NUMB: variants seen among roughly 807,000 people sequenced by gnomAD.
NUMB encodes NUMB endocytic adaptor protein, also known as protein numb homolog.
NUMB carries 29 observed loss-of-function variants against 59.7 expected under a neutral mutation model. The ratio of observed to expected loss-of-function variants is 0.49; its 90% CI spans 0.36 to 0.66. NUMB has a LOEUF of 0.66. Ranked by LOEUF, NUMB falls within the 30% of genes least tolerant of loss-of-function variation. NUMB has a pLI of 0.00. For missense variants in NUMB, 723 were observed against 822.0 expected (o/e 0.88, Z 1.47); for synonymous variants, 288 against 288.2 (o/e 1.00, Z 0.01).
chr14:73,287,412 A>G (rs1334359861), intron 8 of NUMB, 98 bp from the exon 9 acceptor site: 3 of 1,088,032 alleles, frequency 2.8e-6, no homozygotes, highest in Non-Finnish European at 3.9e-6. Context: ...ACAGAGTCTT[A>G]CTGTTACCCA....
At chr14:73,396,186 G>A (rs1259755321) in intron 2 of NUMB, among the ~76,000 whole-genome samples, 4 of 152,128 alleles carry the variant, frequency 2.6e-5, no homozygotes, top group Admixed American at 2.6e-4. Context: ...GGGCTCAAGT[G>A]ATCCTCCTGC....
intron 3 of NUMB, among the ~76,000 whole-genome samples, chr14:73,360,489 C>A (rs887682696): frequency 6.7e-6 from 1 of 150,338 alleles, no homozygotes; most frequent in Non-Finnish European, 1.5e-5. Flanking sequence ...ACCCGGGAGG[C>A]AGAGGTTGTA....
chr14:73,309,429 G>A (rs1374685716), intron 6 of NUMB, among the ~76,000 whole-genome samples: 1 of 152,100 alleles, frequency 6.6e-6, no homozygotes, highest in Non-Finnish European at 1.5e-5. Context: ...TAGGGACATG[G>A]ATGAAGCTGG....
At chr14:73,319,093 G>A (rs997167529) in intron 5 of NUMB, among the ~76,000 whole-genome samples, 51 of 152,080 alleles carry the variant, frequency 3.4e-4, no homozygotes, top group Admixed American at 3.3e-3. Flanking sequence ...GGCCAACATG[G>A]TGAAACCCCG....
chr14:73,422,487 T>C (rs1453290971), intron 1 of NUMB, among the ~76,000 whole-genome samples: 1 of 152,226 alleles, frequency 6.6e-6, no homozygotes, highest in Non-Finnish European at 1.5e-5. Context: ...GAAGGTCTAT[T>C]TGTTTGTGTT....
intron 1 of NUMB, among the ~76,000 whole-genome samples, chr14:73,437,049 T>C (rs1898087333): frequency 1.6e-5 from 2 of 124,242 alleles, no homozygotes; most frequent in South Asian, 4.8e-4. Context: ...CTCTTTTTTT[T>C]TTTTTTTTTT....
chr14:73,324,505 C>T (rs1891564429), intron 4 of NUMB, among the ~76,000 whole-genome samples: 1 of 152,096 alleles, frequency 6.6e-6, no homozygotes, highest in South Asian at 2.1e-4. Flanking sequence ...TTCTCTTCTC[C>T]CCAGCATCAA....
At chr14:73,325,039 T>G (rs538563762) in intron 4 of NUMB, among the ~76,000 whole-genome samples, 18 of 151,962 alleles carry the variant, frequency 1.2e-4, no homozygotes, top group Admixed American at 5.2e-4. Flanking sequence ...CACCAGACAC[T>G]ATAACCCACA....
chr14:73,285,694 G>A (rs995680894), intron 9 of NUMB: 10 of 152,128 alleles, frequency 6.6e-5, no homozygotes, highest in Admixed American at 5.2e-4. Flanking sequence ...GGGAGGCCAA[G>A]GCAGGCAGAT....
chr14:73,427,170 C>T (rs112159876), intron 1 of NUMB, among the ~76,000 whole-genome samples: 254 of 152,256 alleles, frequency 1.7e-3, no homozygotes, highest in African/African-American at 5.9e-3. Context: ...TTGCATGACC[C>T]AGACACAGCT....
rs796379282 is a variant in NUMB at position 73,389,298 on chromosome 14, AAC to A, written c.-101+20637_-101+20638del. The stretch of plus-strand genomic sequence containing the variant: ...AAAAAAAAAAAAAAAAAAAAACAAA[AAC>A]AAAAACACTGGTCTCTGTTTTATAC... On this transcript the variant is annotated intron_variant, in intron 2 of 12. Coordinates refer to ENST00000555238, the MANE Select transcript of NUMB (RefSeq NM_001005743.2). Among the ~76,000 whole-genome samples, 124 of 138,328 alleles carry A rather than the reference AAC, an allele frequency of 9.0e-4. 2 individuals carry two copies. The highest frequency in any genetic ancestry group is 3.2e-3 in the African/African-American group (119 of 37,078). The allele number at this position is 138,328 out of a possible 152,430, so 90.7% of individuals were successfully genotyped here.
At chr14:73,320,394 CTTTT>C (rs1285578383) in intron 5 of NUMB, among the ~76,000 whole-genome samples, 2 of 152,190 alleles carry the variant, frequency 1.3e-5, no homozygotes, top group African/African-American at 4.8e-5. Flanking sequence ...CTAAAACTTT[CTTTT>C]TTATTATTTA....
At position 73,296,908 on chromosome 14, in the gene NUMB, C is replaced by G. The variant is rs202161773; in HGVS notation, c.309+303G>C. Among the ~76,000 whole-genome samples, 5 of 152,270 alleles carry G rather than the reference C, an allele frequency of 3.3e-5. No homozygotes were observed. The East Asian group carries it at 9.7e-4, about 29-fold the overall frequency. On this transcript the variant is annotated intron_variant, in intron 7 of 12. Coordinates refer to ENST00000555238, the MANE Select transcript of NUMB (RefSeq NM_001005743.2). Reference sequence around the variant, plus strand: ...CGAGGCCGGGCGCAGTGGCTCACACCTGTAATCCCAGCACTTTGGGAGGCC... The same window carrying G: ...CGAGGCCGGGCGCAGTGGCTCACACGTGTAATCCCAGCACTTTGGGAGGCC...
intron 1 of NUMB, among the ~76,000 whole-genome samples, chr14:73,447,487 C>CA: frequency 6.6e-6 from 1 of 151,674 alleles, no homozygotes; most frequent in Non-Finnish European, 1.5e-5. Flanking sequence ...GACTCCATCT[C>CA]AAAAAATAAA....
At chr14:73,296,841 G>A (rs1275655136) in intron 7 of NUMB, among the ~76,000 whole-genome samples, 5 of 152,104 alleles carry the variant, frequency 3.3e-5, no homozygotes, top group African/African-American at 1.2e-4. Flanking sequence ...TGGCCAACAT[G>A]GTGAAACCCC....
At chr14:73,379,623 T>C (rs767959871) in intron 2 of NUMB, among the ~76,000 whole-genome samples, 1 of 152,156 alleles carries the variant, frequency 6.6e-6, no homozygotes, top group African/African-American at 2.4e-5. Context: ...TAGGTTATAT[T>C]TGAGCAAACA....
At chr14:73,380,784 G>C (rs1030777265) in intron 2 of NUMB, among the ~76,000 whole-genome samples, 2 of 149,814 alleles carry the variant, frequency 1.3e-5, no homozygotes, top group Non-Finnish European at 2.9e-5. Flanking sequence ...GAGTGCTGTG[G>C]CACGATCTCC....
At chr14:73,396,892 T>C (rs1040450296) in intron 2 of NUMB, among the ~76,000 whole-genome samples, 1 of 151,932 alleles carries the variant, frequency 6.6e-6, no homozygotes, top group East Asian at 1.9e-4. Flanking sequence ...GGAGGCTGAG[T>C]TGGGCAGATC....
At chr14:73,367,659 C>G (rs575963142) in intron 2 of NUMB, among the ~76,000 whole-genome samples, 193 of 151,174 alleles carry the variant, frequency 1.3e-3, no homozygotes, top group African/African-American at 4.4e-3. Context: ...CCTGTGGTCC[C>G]AACTACTCCG....
Sources: allele counts gnomAD v4.1 joint callset (sites outside exome capture counted in the v4.1 genomes callset), GRCh38; gene constraint gnomAD v4.1.1; transcripts MANE v1.5; gene names NCBI Gene and HGNC (gene_info 2026-07-23, HGNC 2026-07-21).